EP400: variants seen among roughly 807,000 people sequenced by gnomAD.
The protein encoded by EP400 is E1A-binding protein p400.
A neutral mutation model predicts 354.1 loss-of-function variants in EP400; 105 were observed. The observed-to-expected ratio is 0.30, with a 90% CI of 0.25 to 0.35. The LOEUF (loss-of-function observed/expected upper bound fraction) is 0.35. EP400 is among the 10% of genes least tolerant of loss of function. EP400 has a pLI of 1.00. For missense variants in EP400, 3,280 were observed against 4,121.0 expected (o/e 0.80, Z 5.59); for synonymous variants, 1,646 against 1,716.9 (o/e 0.96, Z 1.02).
At chr12:131,985,860 G>A (rs1002382855) in intron 5 of EP400, among the ~76,000 whole-genome samples, 2 of 152,128 alleles carry the variant, frequency 1.3e-5, no homozygotes, top group African/African-American at 2.4e-5. Flanking sequence ...CGCCCACCTC[G>A]GCCTCTGAAA....
chr12:132,062,075 A>G (rs1235521773), intron 45 of EP400, 35 bp from the exon 46 acceptor site: 5 of 1,589,172 alleles, frequency 3.1e-6, no homozygotes, highest in Non-Finnish European at 4.3e-6. Flanking sequence ...TGCTGTGTGA[A>G]ATATTTGATG....
chr12:132,040,069 T>C (rs1894846569), intron 32 of EP400, among the ~76,000 whole-genome samples: 1 of 152,208 alleles, frequency 6.6e-6, no homozygotes, highest in Non-Finnish European at 1.5e-5. Flanking sequence ...GACCTGACTC[T>C]GCATGTCTCA....
rs1043275287 is a variant in EP400 at position 132,029,001 on chromosome 12, T to C, written c.5382-700T>C. The C allele has an allele frequency of 6.6e-6, 1 of 152,532 alleles. No homozygotes were observed. Among genetic ancestry groups the C allele is most frequent in the Admixed American group, 6.5e-5 (1 of 15,298 alleles). The allele number at this position is 152,532 out of a possible 1,614,324, so 9.4% of individuals were successfully genotyped here. On this transcript the variant is annotated intron_variant, in intron 27 of 52. Transcript: ENST00000389561. This position sits in a 1 kb window ranked among gnomAD's most constrained non-coding sequence, Gnocchi z 4.7. The stretch of plus-strand genomic sequence containing the variant: ...TGGAAAAAAAGAAAACTGGGAGTGC[T>C]TCTCCAAGGCCGAACAAGCCACTTC...
chr12:132,026,280 G>T (rs557242791), intron 25 of EP400, among the ~76,000 whole-genome samples: 1 of 152,280 alleles, frequency 6.6e-6, no homozygotes, highest in East Asian at 1.9e-4. Context: ...TCATGATGTG[G>T]TGTGTCCTCT....
intron 12 of EP400, among the ~76,000 whole-genome samples, chr12:132,002,200 G>A (rs1893439359): frequency 6.6e-6 from 1 of 152,076 alleles, no homozygotes; most frequent in Admixed American, 6.5e-5. Flanking sequence ...TCTCTAAATT[G>A]GAGTGTTTAG....
At chr12:131,955,167 G>T (rs1366020006) in intron 1 of EP400, among the ~76,000 whole-genome samples, 3 of 152,156 alleles carry the variant, frequency 2.0e-5, no homozygotes, top group African/African-American at 7.2e-5. Flanking sequence ...TGTTATTTTA[G>T]ATAAACAGTT....
Position 131,992,237 on chromosome 12 carries a change from T to TC in EP400, c.2737+12dup. ...TCTTTGACTGATGACGAAGGTCTGTTCCCCCTCAGCACTATCTTTGTCATC... is the reference window on the plus strand; with the variant it reads ...TCTTTGACTGATGACGAAGGTCTGTTCCCCCCTCAGCACTATCTTTGTCATC... On this transcript the variant is annotated splice_region_variant and intron_variant, in intron 11 of 52. Transcript: ENST00000389561. The TC allele has an allele frequency of 6.2e-7, 1 of 1,609,108 alleles. No homozygotes were observed. Among genetic ancestry groups the TC allele is most frequent in the Non-Finnish European group, 8.5e-7 (1 of 1,179,130 alleles).
Position 132,027,372 on chromosome 12 carries a change from C to G in EP400, c.5015-65C>G. The G allele has an allele frequency of 6.6e-7, 1 of 1,526,220 alleles. No homozygotes were observed. The highest frequency in any genetic ancestry group is 1.1e-5 in the South Asian group (1 of 88,568). The allele number at this position is 1,526,220 out of a possible 1,614,324, so 94.5% of individuals were successfully genotyped here. A position where few individuals can be genotyped will look rare whatever the true frequency, so the allele number is the denominator to read the frequency against. On this transcript the variant is annotated intron_variant, in intron 25 of 52. Coordinates refer to ENST00000389561, the MANE Select transcript of EP400 (RefSeq NM_015409.5). This position sits in a 1 kb window ranked among gnomAD's most constrained non-coding sequence, Gnocchi z 4.9. ...GGAGGGTGAGGTTCCATGGAGCATG[C>G]TGGTGTCAGATGAAATCCTGTGAAC...
chr12:132,078,974 T>C lies in EP400; in HGVS notation c.*1301T>C, dbSNP rs996500723. 6.6e-6 allele frequency: 1 copy of C among 152,254 alleles called. No homozygotes were observed. Among genetic ancestry groups the C allele is most frequent in the African/African-American group, 2.4e-5 (1 of 41,472 alleles). The allele number at this position is 152,254 out of a possible 1,614,324, so 9.4% of individuals were successfully genotyped here. A position where few individuals can be genotyped will look rare whatever the true frequency, so the allele number is the denominator to read the frequency against. On this transcript the variant is annotated 3_prime_UTR_variant, in exon 53 of 53. Coordinates refer to ENST00000389561, the MANE Select transcript of EP400 (RefSeq NM_015409.5). ...AAGCAAAAAGGTCCATATCCAATAG[T>C]ATCCTTTGTGCTGTGGCTTGATTTT... is the stretch of plus-strand genomic sequence containing the variant.
Position 132,028,045 on chromosome 12 carries a change from G to T in EP400, c.5138G>T (p.Arg1713Leu). 6.2e-7 allele frequency: 1 copy of T among 1,614,008 alleles called. No individual in the cohort carries two copies. The highest frequency in any genetic ancestry group is 8.5e-7 in the Non-Finnish European group (1 of 1,179,890). Residue 1713 changes from arginine (R) to leucine (L), a missense_variant, in exon 27 of 53, where the codon CGC (arginine) becomes CTC (leucine). Around this residue, in one of 20 missense-constraint regions of EP400, gnomAD observed 459 missense variants for 496.9 expected, o/e 0.92. Coordinates refer to ENST00000389561, the MANE Select transcript of EP400 (RefSeq NM_015409.5). ...GAAAAGACCAGACTCTTGAAAGAGC[G>T]CCTGGATCAGATTTATTTAGTCAAC... ...QEEKTRLLKE[R>L]LDQIYLVNER...
chr12:132,053,269 C>T (rs1895365877), intron 42 of EP400, 45 bp downstream of exon 42: 1 of 1,610,994 alleles, frequency 6.2e-7, no homozygotes, highest in Non-Finnish European at 8.5e-7. Context: ...AATGTGGTGA[C>T]TGTGACTTCA....
chr12:132,073,459 C>CTTTTTTTTTTT (rs58724167), intron 51 of EP400, among the ~76,000 whole-genome samples: 7 of 117,704 alleles, frequency 5.9e-5, no homozygotes, highest in East Asian at 2.2e-4. Context: ...GTCCCTTTTC[C>CTTTTTTTTTTT]TTTTTTTTTT....
At chr12:132,014,052 G>A in intron 19 of EP400, 139 bp downstream of exon 19, 1 of 1,164,048 alleles carries the variant, frequency 8.6e-7, no homozygotes, top group Non-Finnish European at 1.2e-6. Context: ...ACCCTCCTGG[G>A]GGCAGCAGGC....
At chr12:132,004,028 C>T (rs1441208745) in intron 12 of EP400, among the ~76,000 whole-genome samples, 1 of 152,094 alleles carries the variant, frequency 6.6e-6, no homozygotes, top group Admixed American at 6.5e-5. Context: ...GTTAGATCTA[C>T]CACTGTGTGA....
In EP400 at chr12:132,044,330, TCCTGCCCTCTTGCCCC is replaced by T. The variant is rs1258108066; in HGVS notation, c.6585+25_6585+40del. 6.2e-7 allele frequency: 1 copy of T among 1,606,032 alleles called. No individual in the cohort carries two copies. Among genetic ancestry groups the T allele is most frequent in the East Asian group, 2.2e-5 (1 of 44,682 alleles). ...CAGCATGGTACCCGGCCCGGGGCCC[TCCTGCCCTCTTGCCCC>T]CCTGCTGAGGGGCACTTGTGCAGCC... On this transcript the variant is annotated intron_variant, in intron 35 of 52. Transcript: ENST00000389561.
chr12:132,062,846 G>A (rs1895754083), intron 47 of EP400, 145 bp downstream of exon 47: 2 of 1,042,800 alleles, frequency 1.9e-6, no homozygotes. Context: ...CGCGTGCTTC[G>A]TTTTATTGGT....
chr12:132,064,142 A>AACC (rs1895808765), intron 47 of EP400, among the ~76,000 whole-genome samples: 1 of 151,534 alleles, frequency 6.6e-6, no homozygotes, highest in Admixed American at 6.6e-5. Context: ...TCAACCACTG[A>AACC]GACACCAGTG....
At chr12:132,039,323 C>T (rs1894817355) in intron 32 of EP400, among the ~76,000 whole-genome samples, 1 of 152,146 alleles carries the variant, frequency 6.6e-6, no homozygotes, top group African/African-American at 2.4e-5. Flanking sequence ...CAGGATTGAG[C>T]ATCTGTCTGG....
At chr12:132,035,119 G>T (rs1325078137) in intron 30 of EP400, among the ~76,000 whole-genome samples, 1 of 152,250 alleles carries the variant, frequency 6.6e-6, no homozygotes, top group South Asian at 2.1e-4. Context: ...ATCCCAATTG[G>T]CCAGAAAGTG....
Sources: allele counts gnomAD v4.1 joint callset (sites outside exome capture counted in the v4.1 genomes callset), GRCh38; gene constraint gnomAD v4.1.1; regional missense constraint gnomAD v4.1.1; non-coding constraint Gnocchi (gnomAD v3.1); transcripts MANE v1.5; gene names NCBI Gene and HGNC (gene_info 2026-07-23, HGNC 2026-07-21).